ARMC9: variants seen among roughly 807,000 people sequenced by gnomAD.
ARMC9 encodes the protein armadillo repeat containing 9.
Under a neutral mutation model 107.0 loss-of-function variants are expected in ARMC9, and 94 were observed. The ratio of observed to expected loss-of-function variants is 0.88; its 90% CI spans 0.74 to 1.04. The LOEUF is 1.04. Among genes scored for constraint, ARMC9 ranks in the 50% least tolerant of loss-of-function variants. ARMC9 has a pLI of 0.00. For missense variants in ARMC9, 942 were observed against 1,030.1 expected, an observed-to-expected ratio of 0.91 and a Z score of 1.17; for synonymous variants, 380 against 396.9, an observed-to-expected ratio of 0.96 and a Z score of 0.51.
chr2:231,283,233 G>A (rs1316175827), intron 17 of ARMC9, among the ~76,000 whole-genome samples: 1 of 152,134 alleles, frequency 6.6e-6, no homozygotes, highest in African/African-American at 2.4e-5. Context: ...ATACCCAATA[G>A]GAGTTCCAGA....
At chr2:231,201,888 T>C (rs1181547949) in intron 1 of ARMC9, among the ~76,000 whole-genome samples, 1 of 152,240 alleles carries the variant, frequency 6.6e-6, no homozygotes, top group African/African-American at 2.4e-5. Flanking sequence ...CCAGCAACCC[T>C]GCCATGTTGC....
intron 10 of ARMC9, among the ~76,000 whole-genome samples, chr2:231,257,909 G>A (rs72983702): frequency 0.028 from 4,237 of 152,156 alleles, 82 homozygotes; most frequent in Non-Finnish European, 0.039. Context: ...AAAACAAAAC[G>A]TGAAGACGCT....
In ARMC9 at chr2:231,359,082, G is replaced by GTTCTTTTTTTTT. The variant is rs767321498; in HGVS notation, c.2132-1670_2132-1669insCTTTTTTTTTTT. On this transcript the variant is annotated intron_variant, in intron 22 of 24. Transcript: ENST00000611582. ...GCTGTCTTAGTTAGGGGGGTCTCCT[G>GTTCTTTTTTTTT]TTTTTTTTTTTTTTTTTTTTTGAGA... Among the ~76,000 whole-genome samples, 39 of 117,826 alleles carry GTTCTTTTTTTTT rather than the reference G, an allele frequency of 3.3e-4. 1 individual carries two copies. Among genetic ancestry groups the GTTCTTTTTTTTT allele is most frequent in the African/African-American group, 1.2e-3 (34 of 28,308 alleles). 77.3% of individuals were successfully genotyped at this position (117,826 alleles called of 152,430 possible).
intron 1 of ARMC9, among the ~76,000 whole-genome samples, chr2:231,203,775 C>T (rs1024030364): frequency 3.3e-5 from 5 of 152,100 alleles, no homozygotes; most frequent in African/African-American, 4.8e-5. Context: ...GCCTGGCCAA[C>T]GTGGTAAAAC....
chr2:231,217,266 C>T (rs1283341424), intron 5 of ARMC9, among the ~76,000 whole-genome samples: 1 of 152,156 alleles, frequency 6.6e-6, no homozygotes, highest in Non-Finnish European at 1.5e-5. Context: ...AGTTTTTAGG[C>T]ATATGTGTAC....
At chr2:231,295,980 T>G in intron 18 of ARMC9, 1 of 384,070 alleles carries the variant, frequency 2.6e-6, no homozygotes, top group Non-Finnish European at 4.6e-6. Flanking sequence ...ACTATAATCA[T>G]GTTCTGGTAA....
chr2:231,339,286 C>A (rs1400120104), intron 20 of ARMC9, among the ~76,000 whole-genome samples: 1 of 151,642 alleles, frequency 6.6e-6, no homozygotes, highest in Non-Finnish European at 1.5e-5. Context: ...CGAGATCGCG[C>A]CATTGCACTC....
Position 231,331,831 on chromosome 2 carries a change from C to G in ARMC9, c.1812C>G (p.Asp604Glu). The change falls in exon 20 of 25, where the codon GAC becomes GAG. Residue 604 changes from aspartate (D) to glutamate (E), a missense_variant. Asp to Glu is a conservative substitution (Grantham distance 45). Coordinates refer to ENST00000611582, the MANE Select transcript of ARMC9 (RefSeq NM_001352754.2). Reference sequence around the variant, plus strand: ...TCATGGAAGCCGATCTGGACAAAGACGAACTGATCCAGCCCCAGCTCGGAG... The same window carrying G: ...TCATGGAAGCCGATCTGGACAAAGAGGAACTGATCCAGCCCCAGCTCGGAG... Reference protein sequence around the residue: ...HDIMEADLDKDELIQPQLGEL... With the variant: ...HDIMEADLDKEELIQPQLGEL... The G allele has an allele frequency of 6.2e-7, 1 of 1,614,000 alleles. No individual in the cohort carries two copies. The highest frequency in any genetic ancestry group is 8.5e-7 in the Non-Finnish European group (1 of 1,179,922).
At position 231,212,420 on chromosome 2, in the gene ARMC9, T is replaced by C. The variant is rs897384370; in HGVS notation, c.178-2411T>C. Among the ~76,000 whole-genome samples the C allele has an allele frequency of 5.9e-5, 9 of 152,250 alleles. No individual in the cohort carries two copies. In the East Asian group the frequency reaches 1.5e-3, roughly 26 times the overall value. ...GTTTGTGGTTTCAGGTCTACAAATA[T>C]AGACCTTAGAACAAACTGTAGATGG... On this transcript the variant is annotated intron_variant, in intron 3 of 24. Coordinates refer to ENST00000611582, the MANE Select transcript of ARMC9 (RefSeq NM_001352754.2).
At chr2:231,367,628 C>T (rs1211727473) in intron 23 of ARMC9, among the ~76,000 whole-genome samples, 3 of 152,124 alleles carry the variant, frequency 2.0e-5, no homozygotes, top group Non-Finnish European at 2.9e-5. Flanking sequence ...TAAAATATGG[C>T]AGGGCTACAC....
Position 231,291,452 on chromosome 2 carries a change from G to T in ARMC9, c.1717+9G>T. ...CAAGCAGCTAAATTCCGGTCAGTTT[G>T]ATGCAAGAATCTTTGATCTATCTTT... On this transcript the variant is annotated intron_variant, in intron 18 of 24. Coordinates refer to ENST00000611582, the MANE Select transcript of ARMC9 (RefSeq NM_001352754.2). The T allele has an allele frequency of 2.5e-6, 4 of 1,609,236 alleles. No individual in the cohort carries two copies. Among genetic ancestry groups the T allele is most frequent in the Non-Finnish European group, 3.4e-6 (4 of 1,176,546 alleles).
At position 231,255,180 on chromosome 2, in the gene ARMC9, A is replaced by AACACACACACACACAC. The variant is rs3042595; in HGVS notation, c.880-1380_880-1365dup. Reference sequence around the variant, plus strand: ...AGCACTACCTGTAGTGGCAAAAAGAAACACACACACACACACACACACACA... The same window carrying AACACACACACACACAC: ...AGCACTACCTGTAGTGGCAAAAAGAAACACACACACACACACACACACACACACACACACACACACA... On this transcript the variant is annotated intron_variant, in intron 9 of 24. Coordinates refer to ENST00000611582, the MANE Select transcript of ARMC9 (RefSeq NM_001352754.2). The surrounding 1 kb of genome is among the most constrained non-coding windows in gnomAD (Gnocchi z 4.7). Among the ~76,000 whole-genome samples the AACACACACACACACAC allele has an allele frequency of 3.5e-4, 51 of 146,866 alleles. 1 individual carries two copies. Among genetic ancestry groups the AACACACACACACACAC allele is most frequent in the African/African-American group, 1.2e-3 (50 of 40,144 alleles).
chr2:231,261,354 G>C (rs1378170342), intron 11 of ARMC9, among the ~76,000 whole-genome samples: 1 of 152,176 alleles, frequency 6.6e-6, no homozygotes, highest in African/African-American at 2.4e-5. Context: ...GTAGCAACAT[G>C]ACAGACTTAT....
chr2:231,301,156 C>T (rs2041701892), intron 19 of ARMC9, among the ~76,000 whole-genome samples: 1 of 152,228 alleles, frequency 6.6e-6, no homozygotes, highest in African/African-American at 2.4e-5. Context: ...TAGAAATACA[C>T]ATACTTCTAC....
Position 231,302,459 on chromosome 2 carries a change from T to C in ARMC9, c.1773+6206T>C, listed in dbSNP as rs868793289. 3.1e-3 allele frequency among the ~76,000 whole-genome samples: 447 copies of C among 146,366 alleles called. 1 individual carries two copies. Among genetic ancestry groups the C allele is most frequent in the South Asian group, 0.017 (78 of 4,502 alleles). ...TTTGTTTTTTTTTTTTTTTTTTTTTTTTTGCCAATCTCTTTAATGTCTGGA... is the reference window on the plus strand; with the variant it reads ...TTTGTTTTTTTTTTTTTTTTTTTTTCTTTGCCAATCTCTTTAATGTCTGGA... On this transcript the variant is annotated intron_variant, in intron 19 of 24. Coordinates refer to ENST00000611582, the MANE Select transcript of ARMC9 (RefSeq NM_001352754.2).
chr2:231,283,915 AG>A (rs1406737775), intron 17 of ARMC9, among the ~76,000 whole-genome samples: 3 of 152,120 alleles, frequency 2.0e-5, no homozygotes, highest in East Asian at 3.9e-4. Flanking sequence ...TTTAAGAGAC[AG>A]GGTCTTACCA....
Position 231,376,397 on chromosome 2 carries a change from G to T in ARMC9, c.*4862G>T, listed in dbSNP as rs1226756923. Reference sequence around the variant, plus strand: ...CCCCTGAGAAAGAGAATGCACACCTGGGGGTGGGTCTCTGAACTGGCCCCC... The same window carrying T: ...CCCCTGAGAAAGAGAATGCACACCTTGGGGTGGGTCTCTGAACTGGCCCCC... On this transcript the variant is annotated 3_prime_UTR_variant, in exon 25 of 25. Coordinates refer to ENST00000611582, the MANE Select transcript of ARMC9 (RefSeq NM_001352754.2). Among the ~76,000 whole-genome samples, 1 of 152,148 alleles carries T rather than the reference G, an allele frequency of 6.6e-6. No individual in the cohort carries two copies. The highest frequency in any genetic ancestry group is 2.4e-5 in the African/African-American group (1 of 41,428).
In ARMC9 at chr2:231,235,481, A is replaced by G. The variant is rs745343984; in HGVS notation, c.780+100A>G. The stretch of plus-strand genomic sequence containing the variant: ...TGGCAGGTGGAGCCTGCCTCTCTCC[A>G]TTCCAAGCCAGTGGCGCCTGCTGCT... On this transcript the variant is annotated intron_variant, in intron 8 of 24. Coordinates refer to ENST00000611582, the MANE Select transcript of ARMC9 (RefSeq NM_001352754.2). 5.7e-6 allele frequency: 8 copies of G among 1,398,704 alleles called. No homozygotes were observed. In the Admixed American group the frequency reaches 1.7e-4, roughly 30 times the overall value. The allele number at this position is 1,398,704 out of a possible 1,614,324, so 86.6% of individuals were successfully genotyped here. A position where few individuals can be genotyped will look rare whatever the true frequency, so the allele number is the denominator to read the frequency against.
intron 22 of ARMC9, 45 bp downstream of exon 22, chr2:231,355,979 G>A: frequency 6.6e-7 from 1 of 1,504,238 alleles, no homozygotes; most frequent in Non-Finnish European, 8.9e-7. Flanking sequence ...GGATTGTGAT[G>A]TCTAGAACCT....
Sources: gnomAD v4.1 joint callset for allele counts (sites outside exome capture counted in the v4.1 genomes callset) on GRCh38, gnomAD v4.1.1 for gene constraint, Gnocchi (gnomAD v3.1) non-coding constraint, MANE v1.5 for transcripts, NCBI Gene and HGNC (gene_info 2026-07-23, HGNC 2026-07-21) for gene names.